NUP160: variants seen among roughly 807,000 people sequenced by gnomAD.
NUP160 encodes nucleoporin 160.
In NUP160, 94 loss-of-function variants were observed where a neutral mutation model predicts 196.9. That is an observed-to-expected ratio of 0.48 (90% CI 0.40 to 0.57). NUP160 has a LOEUF of 0.57. Among genes scored for constraint, NUP160 ranks in the 20% least tolerant of loss-of-function variants. The pLI is 0.00. For synonymous variants in NUP160, 605 were observed against 619.7 expected, an observed-to-expected ratio of 0.98 and a Z score of 0.35; for missense variants, 1,638 against 1,748.3, an observed-to-expected ratio of 0.94 and a Z score of 1.13.
chr11:47,827,126 G>T (rs1211079709), intron 7 of NUP160: 2 of 455,998 alleles, frequency 4.4e-6, no homozygotes, highest in African/African-American at 4.0e-5. Context: ...CAGCACATTG[G>T]GAAGCCGAGG....
intron 33 of NUP160, among the ~76,000 whole-genome samples, chr11:47,784,010 AAAAAAAC>A (rs1287479960): frequency 3.3e-4 from 50 of 152,032 alleles, no homozygotes; most frequent in African/African-American, 1.1e-3. Flanking sequence ...CTACCTTAAA[AAAAAAAC>A]AAAAACAAAA....
chr11:47,794,489 T>C (rs985149684), intron 27 of NUP160, among the ~76,000 whole-genome samples: 16 of 151,006 alleles, frequency 1.1e-4, no homozygotes, highest in South Asian at 6.3e-4. Flanking sequence ...ACAAAAACAG[T>C]TGGGCACAGT....
intron 35 of NUP160, 95 bp downstream of exon 35, chr11:47,780,248 C>T: frequency 1.1e-6 from 1 of 884,818 alleles, no homozygotes. Context: ...CTTTTGTCTT[C>T]CCTTTCTAAT....
intron 1 of NUP160, 89 bp from the exon 2 acceptor site, chr11:47,848,048 G>T: frequency 7.8e-7 from 1 of 1,278,294 alleles, no homozygotes; most frequent in South Asian, 1.2e-5. Context: ...GTGACAGACT[G>T]ACAACCCATA....
At chr11:47,807,858 CACAT>C (rs2135370045) in intron 18 of NUP160, among the ~76,000 whole-genome samples, 1 of 152,258 alleles carries the variant, frequency 6.6e-6, no homozygotes, top group African/African-American at 2.4e-5. Flanking sequence ...TTTATTTGTA[CACAT>C]ACATACAGTC....
intron 28 of NUP160, chr11:47,792,564 A>G (rs1296084683): frequency 2.2e-6 from 1 of 456,246 alleles, no homozygotes; most frequent in African/African-American, 2.0e-5. Context: ...CTCCAAAACC[A>G]CTCTGCAATA....
chr11:47,794,903 A>G (rs2097670002), intron 27 of NUP160, among the ~76,000 whole-genome samples: 3 of 151,834 alleles, frequency 2.0e-5, no homozygotes, highest in African/African-American at 7.3e-5. Flanking sequence ...ACAGAGCGGG[A>G]CTCTGTCTCG....
chr11:47,811,675 T>A, intron 17 of NUP160, among the ~76,000 whole-genome samples: 1 of 152,154 alleles, frequency 6.6e-6, no homozygotes, highest in Admixed American at 6.5e-5. Context: ...GTATGTTTTT[T>A]AAAATCTACT....
rs1261475670 is a variant in NUP160 at position 47,848,297 on chromosome 11, C to CA, written c.123_124insT (p.Glu42Ter). 1 of 1,613,892 alleles carries CA rather than the reference C, an allele frequency of 6.2e-7. No individual in the cohort carries two copies. The highest frequency in any genetic ancestry group is 8.5e-7 in the Non-Finnish European group (1 of 1,180,014). On this transcript the variant is annotated frameshift_variant, in exon 1 of 36. Coordinates refer to ENST00000378460, the Ensembl canonical transcript of NUP160. LOFTEE classifies it high-confidence loss of function. ...CCGCTTAGCTCCACGAAGCTCCGTT[C>CA]CAGGGCTCCCGCCGCCGCCATCTTC...
At chr11:47,816,450 A>T (rs2097684508) in intron 11 of NUP160, among the ~76,000 whole-genome samples, 1 of 152,218 alleles carries the variant, frequency 6.6e-6, no homozygotes, top group South Asian at 2.1e-4. Context: ...TGTATTTTAA[A>T]TCCATCCATG....
chr11:47,816,374 C>A (rs535640919), intron 11 of NUP160, among the ~76,000 whole-genome samples: 2 of 152,270 alleles, frequency 1.3e-5, no homozygotes, highest in African/African-American at 4.8e-5. Context: ...CCTCAGAAGG[C>A]ATTTCTGTTT....
At position 47,805,802 on chromosome 11, in the gene NUP160, T is replaced by TA. The variant is rs200963068; in HGVS notation, c.2606+350dup. ...CATTACATAGGCAGAATAAGAACCT[T>TA]AGACTATTTAGATAGAAGAGAGCTG... On this transcript the variant is annotated intron_variant, in intron 20 of 35. Coordinates refer to ENST00000378460, the Ensembl canonical transcript of NUP160. 6.8e-3 allele frequency among the ~76,000 whole-genome samples: 1,031 copies of TA among 151,982 alleles called. 34 individuals are homozygous for TA. The highest frequency in any genetic ancestry group is 0.055 in the Admixed American group (842 of 15,236).
At chr11:47,844,953 C>T (rs1225531203) in intron 2 of NUP160, among the ~76,000 whole-genome samples, 2 of 152,204 alleles carry the variant, frequency 1.3e-5, no homozygotes, top group African/African-American at 4.8e-5. Context: ...GTTGTCCTCA[C>T]TGCTACACTC....
exon 28 of NUP160, chr11:47,792,933 C>T (rs2097668719): frequency 1.2e-6 from 2 of 1,612,560 alleles, no homozygotes; most frequent in Non-Finnish European, 1.7e-6. Context: ...CATACTCAAA[C>T]ATCACTGTGC....
chr11:47,788,324 A>G lies in NUP160; in HGVS notation c.3623-19T>C. ...GAACTTCCTGTGAAAATGGAAAAAG[A>G]TTATTTCGTGTAGCCAAGGTATACA... On this transcript the variant is annotated intron_variant, in intron 30 of 35. Coordinates refer to ENST00000378460, the Ensembl canonical transcript of NUP160. 1 of 1,613,342 alleles carries G rather than the reference A, an allele frequency of 6.2e-7. No individual in the cohort carries two copies. The highest frequency in any genetic ancestry group is 1.1e-5 in the South Asian group (1 of 90,982).
intron 29 of NUP160, among the ~76,000 whole-genome samples, chr11:47,791,260 T>C (rs1369044740): frequency 6.6e-6 from 1 of 152,126 alleles, no homozygotes; most frequent in Non-Finnish European, 1.5e-5. Context: ...GCAGTTCAAC[T>C]CTTTCTTGTC....
At position 47,835,635 on chromosome 11, in the gene NUP160, C is replaced by A; in HGVS notation, c.1101+16G>T. ...ACACACAGAATAACTTGGTATGTGT[C>A]TTATTTGTTTCATACCTGTCCTCGT... On this transcript the variant is annotated intron_variant, in intron 7 of 35. Coordinates refer to ENST00000378460, the Ensembl canonical transcript of NUP160. The A allele has an allele frequency of 6.4e-7, 1 of 1,550,580 alleles. No individual in the cohort carries two copies. The highest frequency in any genetic ancestry group is 8.7e-7 in the Non-Finnish European group (1 of 1,148,412).
At chr11:47,834,163 C>T (rs1277767084) in intron 7 of NUP160, among the ~76,000 whole-genome samples, 3 of 151,914 alleles carry the variant, frequency 2.0e-5, no homozygotes, top group Non-Finnish European at 4.4e-5. Flanking sequence ...AGGTATAACC[C>T]ATATAAACAA....
rs190897071 is a variant in NUP160 at position 47,845,109 on chromosome 11, G to T, written c.314+2739C>A. On this transcript the variant is annotated intron_variant, in intron 2 of 35. Coordinates refer to ENST00000378460, the Ensembl canonical transcript of NUP160. ...AAAAATGGGCAACCAGCAGCCCTCG[G>T]AGCTACTCTGTCTATGGAGTAGCCA... 3.3e-5 allele frequency among the ~76,000 whole-genome samples: 5 copies of T among 152,226 alleles called. No homozygotes were observed. The East Asian group carries it at 9.6e-4, about 29-fold the overall frequency.
Sources: gnomAD v4.1 joint callset for allele counts (sites outside exome capture counted in the v4.1 genomes callset) on GRCh38, gnomAD v4.1.1 for gene constraint, MANE v1.5 for transcripts, NCBI Gene and HGNC (gene_info 2026-07-23, HGNC 2026-07-21) for gene names.